TSC2: variants seen among roughly 807,000 people sequenced by gnomAD.
TSC2 encodes the protein TSC complex subunit 2.
Under a neutral mutation model 202.2 loss-of-function variants are expected in TSC2, and 29 were observed. That is an observed-to-expected ratio of 0.14 (90% CI 0.11 to 0.20). The LOEUF (loss-of-function observed/expected upper bound fraction) is 0.20, where lower values mean the gene tolerates loss of function less well. TSC2 is among the 10% of genes least tolerant of loss of function. TSC2 has a pLI of 1.00. For synonymous variants in TSC2, 1,349 were observed against 1,044.0 expected, an observed-to-expected ratio of 1.29 and a Z score of -5.63; for missense variants, 2,429 against 2,420.0, an observed-to-expected ratio of 1.00 and a Z score of -0.08.
Position 2,077,653 on chromosome 16 carries a change from G to A in TSC2, c.2893G>A (p.Glu965Lys), listed in dbSNP as rs1372107115. The change falls in exon 26 of 42, where the codon GAA becomes AAA. Residue 965 changes from glutamate (E) to lysine (K), a missense_variant. Glu to Lys is a moderately conservative substitution (Grantham distance 56). Transcript: ENST00000219476. ...QGLNNSPPVK[E>K]FKESSAAEAF... ...CTTGAATAACTCTCCACCCGTGAAA[G>A]AATTCAAGGAGAGCTCTGCAGCCGA... 6.2e-7 allele frequency: 1 copy of A among 1,613,124 alleles called. No individual in the cohort carries two copies. Among genetic ancestry groups the A allele is most frequent in the South Asian group, 1.1e-5 (1 of 91,082 alleles).
At chr16:2,049,047 T>A (rs955886785) in intron 2 of TSC2, among the ~76,000 whole-genome samples, 2 of 152,204 alleles carry the variant, frequency 1.3e-5, no homozygotes, top group African/African-American at 4.8e-5. Context: ...GTCCAGGTGT[T>A]ACATGATAAG....
rs767619776 is a variant in TSC2, at chr16:2,065,595, A to T, written c.1676A>T (p.Asp559Val). ...DVAAYSASLE[D>V]VKTAVLGLLV... is the part of the protein sequence containing the mutation. ...GCCGCATACTCGGCCTCCTTGGAGG[A>T]TGTGAAGACAGCCGTCCTGGGGCTT... Residue 559 changes from aspartate (D) to valine (V), a missense_variant, in exon 16 of 42, where the codon GAT becomes GTT. Transcript: ENST00000219476. The T allele has an allele frequency of 6.2e-7, 1 of 1,613,724 alleles. No homozygotes were observed. The highest frequency in any genetic ancestry group is 2.2e-5 in the East Asian group (1 of 44,874).
chr16:2,086,458 C>G, intron 37 of TSC2, 79 bp downstream of exon 37: 1 of 1,551,738 alleles, frequency 6.4e-7, no homozygotes, highest in Non-Finnish European at 8.7e-7. Flanking sequence ...ACCCCACGCC[C>G]TGGGGCATGG....
intron 1 of TSC2, 93 bp downstream of exon 1, chr16:2,048,158 C>T: frequency 6.5e-7 from 1 of 1,536,106 alleles, no homozygotes. Context: ...CGGGCCCTCA[C>T]CCGCGCCCAC....
chr16:2,087,028 C>T (rs2090897630), intron 38 of TSC2, 157 bp downstream of exon 38: 3 of 1,159,780 alleles, frequency 2.6e-6, no homozygotes, highest in Middle Eastern at 2.8e-4. Context: ...TCACCCCGAG[C>T]CTGCGTTGTG....
chr16:2,058,801 G>T lies in TSC2; in HGVS notation c.903G>T (p.Met301Ile), dbSNP rs1227227173. 1 of 1,597,980 alleles carries T rather than the reference G, an allele frequency of 6.3e-7. No individual in the cohort carries two copies. The highest frequency in any genetic ancestry group is 8.5e-7 in the Non-Finnish European group (1 of 1,172,068). Residue 301 changes from methionine (M) to isoleucine (I), a missense_variant, in exon 10 of 42, where the codon ATG becomes ATT. Physicochemically the swap from Met to Ile is conservative, Grantham distance 10 (BLOSUM62 1). Coordinates refer to ENST00000219476, the MANE Select transcript of TSC2 (RefSeq NM_000548.5). ...GAGGAGCCGTGTTTTTTGTGGGCAT[G>T]GCTCTCTGGGGAGCCCACCGGCTCT... ...LLRGAVFFVG[M>I]ALWGAHRLYS...
Position 2,060,730 on chromosome 16 carries a change from A to G in TSC2, c.1036A>G (p.Ile346Val), listed in dbSNP as rs768760795. Reference sequence around the variant, plus strand: ...GATCGTCCTGTCCATCACCAGGCTCATCAAGAAGTATAGGAAGGAGCTCCA... The same window carrying G: ...GATCGTCCTGTCCATCACCAGGCTCGTCAAGAAGTATAGGAAGGAGCTCCA... ...YEIVLSITRL[I>V]KKYRKELQVV... Residue 346 changes from isoleucine (I) to valine (V), a missense_variant, in exon 11 of 42, where the codon ATC (isoleucine) becomes GTC (valine). Coordinates refer to ENST00000219476, the MANE Select transcript of TSC2 (RefSeq NM_000548.5). The G allele has an allele frequency of 3.7e-6, 6 of 1,614,056 alleles. No homozygotes were observed. Among genetic ancestry groups the G allele is most frequent in the Non-Finnish European group, 5.1e-6 (6 of 1,179,962 alleles).
intron 22 of TSC2, among the ~76,000 whole-genome samples, chr16:2,075,548 A>G (rs1229037433): frequency 6.7e-6 from 1 of 149,408 alleles, no homozygotes; most frequent in African/African-American, 2.5e-5. Context: ...AAAAAAAAAA[A>G]AAGAGGTGCG....
Position 2,056,121 on chromosome 16 carries a change from G to A in TSC2, c.600-75G>A, listed in dbSNP as rs1349579575. On this transcript the variant is annotated intron_variant, in intron 6 of 41. Transcript: ENST00000219476. ...CCATGCGTGTTATTGACGTCATAGAGTGACTAGACCACAGCCCGTGGTGGC... is the reference window on the plus strand; with the variant it reads ...CCATGCGTGTTATTGACGTCATAGAATGACTAGACCACAGCCCGTGGTGGC... 5 of 1,593,636 alleles carry A rather than the reference G, an allele frequency of 3.1e-6. No homozygotes were observed. The Admixed American group carries it at 6.7e-5, about 21-fold the overall frequency.
Position 2,082,490 on chromosome 16 carries a change from G to C in TSC2, c.3869G>C (p.Ser1290Thr). 6.2e-7 allele frequency: 1 copy of C among 1,612,034 alleles called. No homozygotes were observed. ...QSSCQGQLHR[S>T]VSWADSAVVM... ...AGCTGCCAAGGACAGCTGCACAGGA[G>C]CGTTTCCTGGGCAGGTATCGCCTCT... Residue 1290 changes from serine to threonine, a missense_variant, in exon 32 of 42, where the codon AGC becomes ACC. Physicochemically the swap from Ser to Thr is moderately conservative, Grantham distance 58. Coordinates refer to ENST00000219476, the MANE Select transcript of TSC2 (RefSeq NM_000548.5).
intron 16 of TSC2, chr16:2,068,614 C>G (rs915542603): frequency 6.6e-6 from 1 of 152,174 alleles, no homozygotes; most frequent in Non-Finnish European, 1.5e-5. Flanking sequence ...GTGACTCACG[C>G]CTGTAATCCT....
At chr16:2,088,367 C>T (rs750808679) in intron 41 of TSC2, 42 bp downstream of exon 41, 1 of 1,612,270 alleles carries the variant, frequency 6.2e-7, no homozygotes. Context: ...TGCTGGCTGC[C>T]CAAGCTGTGG....
At chr16:2,078,727 C>G in intron 26 of TSC2, 5 of 460,858 alleles carry the variant, frequency 1.1e-5, no homozygotes, top group South Asian at 6.2e-5. Flanking sequence ...ATGACTACAC[C>G]GTTTCGCCAG....
intron 17 of TSC2, among the ~76,000 whole-genome samples, chr16:2,070,808 T>C (rs929771144): frequency 6.6e-6 from 1 of 152,018 alleles, no homozygotes; most frequent in Non-Finnish European, 1.5e-5. Flanking sequence ...GTGACATGGG[T>C]TGGGGCAGAG....
chr16:2,071,415 C>A (rs2088360247), intron 17 of TSC2, 95 bp from the exon 18 acceptor site: 2 of 1,302,908 alleles, frequency 1.5e-6, no homozygotes, highest in Non-Finnish European at 2.2e-6. Context: ...TTCTGAGTGC[C>A]TGTGGTGCTG....
chr16:2,087,161 G>C, intron 38 of TSC2: 1 of 484,546 alleles, frequency 2.1e-6, no homozygotes, highest in Admixed American at 3.3e-5. Context: ...GTCCGGCGCG[G>C]CCCTTGGGCC....
Position 2,075,870 on chromosome 16 carries a change from C to G in TSC2, c.2617C>G (p.Leu873Val), listed in dbSNP as rs1555508418. 1 of 1,613,074 alleles carries G rather than the reference C, an allele frequency of 6.2e-7. No homozygotes were observed. Residue 873 changes from leucine (L) to valine (V), a missense_variant, in exon 23 of 42, where the codon CTG becomes GTG. Leu to Val is a conservative substitution (Grantham distance 32). Transcript: ENST00000219476. Reference sequence around the variant, plus strand: ...GTATGCCAGTGTGTTCGCCATCTCCCTGCCGTACACCAACCCCTCCAAGTG... The same window carrying G: ...GTATGCCAGTGTGTTCGCCATCTCCGTGCCGTACACCAACCCCTCCAAGTG... The part of the protein sequence containing the change: ...EQYASVFAIS[L>V]PYTNPSKFNQ...
At chr16:2,063,593 C>T (rs923389002) in intron 14 of TSC2, 29 of 235,300 alleles carry the variant, frequency 1.2e-4, no homozygotes, top group African/African-American at 4.8e-4. Flanking sequence ...CCCTTCCCAC[C>T]GAACTCCTCC....
chr16:2,062,771 A>G (rs1464657905), intron 13 of TSC2, 171 bp downstream of exon 13: 1 of 908,776 alleles, frequency 1.1e-6, no homozygotes, highest in East Asian at 2.6e-5. Context: ...GTCCAGCAGG[A>G]CAGGTCCTCT....
Sources: gnomAD v4.1 joint callset for allele counts (sites outside exome capture counted in the v4.1 genomes callset) on GRCh38, gnomAD v4.1.1 for gene constraint, MANE v1.5 for transcripts, NCBI Gene and HGNC (gene_info 2026-07-23, HGNC 2026-07-21) for gene names.